The following XRCC3 variants were observed in gnomAD, a reference collection of about 807,000 sequenced individuals.
XRCC3 encodes the protein DNA repair protein XRCC3.
XRCC3 carries 34 observed loss-of-function variants against 29.2 expected under a neutral mutation model. The ratio of observed to expected loss-of-function variants is 1.16; its 90% CI spans 0.88 to 1.55. The LOEUF (loss-of-function observed/expected upper bound fraction) is 1.55. Ranked by LOEUF, XRCC3 falls within the 40% of genes most tolerant of loss-of-function variation. The pLI, the probability that XRCC3 is intolerant of heterozygous loss-of-function variation, is 0.00. For synonymous variants in XRCC3, 223 were observed against 211.3 expected, an observed-to-expected ratio of 1.06 and a Z score of -0.48; for missense variants, 463 against 467.6, an observed-to-expected ratio of 0.99 and a Z score of 0.09.
At chr14:103,709,101 G>A (rs149582602) in intron 4 of XRCC3, 140 of 332,780 alleles carry the variant, frequency 4.2e-4, no homozygotes, top group African/African-American at 2.6e-3. Flanking sequence ...GCTGAGCCGC[G>A]GGAGAGGACA....
chr14:103,706,098 A>T (rs1205412290), intron 6 of XRCC3: 1 of 341,722 alleles, frequency 2.9e-6, no homozygotes, highest in Non-Finnish European at 5.8e-6. Flanking sequence ...CTCTCAGGAG[A>T]CCCCTCACCC....
Position 103,711,019 on chromosome 14 carries a change from A to T in XRCC3, c.55+14T>A, listed in dbSNP as rs778459700. On this transcript the variant is annotated intron_variant, in intron 4 of 9. Coordinates refer to ENST00000555055, the MANE Select transcript of XRCC3 (RefSeq NM_005432.4). ...ACCCACCCACACCCTTTATGTAAATAGAAATAAATGTACCTTTCTTAATTG... is the reference window on the plus strand; with the variant it reads ...ACCCACCCACACCCTTTATGTAAATTGAAATAAATGTACCTTTCTTAATTG... The T allele has an allele frequency of 6.2e-7, 1 of 1,614,008 alleles. No homozygotes were observed. Among genetic ancestry groups the T allele is most frequent in the Non-Finnish European group, 8.5e-7 (1 of 1,179,860 alleles).
rs555320142 is a variant in XRCC3, at chr14:103,709,097, C to T, written c.56-438G>A. ...CCACCAGGCATGGATCTGGGCTGAG[C>T]CGCGGGAGAGGACATGTGCCCTGGG... is the stretch of plus-strand genomic sequence containing the variant. On this transcript the variant is annotated intron_variant, in intron 4 of 9. Transcript: ENST00000555055. The T allele has an allele frequency of 3.5e-3, 1,187 of 335,008 alleles. 4 individuals carry two copies. The highest frequency in any genetic ancestry group is 5.6e-3 in the Non-Finnish European group (960 of 171,254). The allele number at this position is 335,008 out of a possible 1,614,324, so 20.8% of individuals were successfully genotyped here.
At position 103,698,687 on chromosome 14, in the gene XRCC3, T is replaced by G. The variant is rs974687696; in HGVS notation, c.*111A>C. On this transcript the variant is annotated 3_prime_UTR_variant, in exon 10 of 10. Coordinates refer to ENST00000555055, the MANE Select transcript of XRCC3 (RefSeq NM_005432.4). ...TGGAGCCGCTGCCCTGGAAGAGCTG[T>G]GTCTGAACCAGGCTCCCAGCTGTGC... 9.3e-6 allele frequency: 9 copies of G among 971,962 alleles called. No homozygotes were observed. The African/African-American group carries it at 1.5e-4, about 16-fold the overall frequency. 60.2% of individuals were successfully genotyped at this position (971,962 alleles called of 1,614,324 possible). A position where few individuals can be genotyped will look rare whatever the true frequency, so the allele number is the denominator to read the frequency against.
chr14:103,708,294 A>G (rs2151939920), intron 5 of XRCC3: 2 of 625,652 alleles, frequency 3.2e-6, no homozygotes, highest in Admixed American at 2.6e-5. Context: ...CAAGGTCCCC[A>G]GGAGGTCCCA....
intron 7 of XRCC3, chr14:103,700,798 C>CT: frequency 8.3e-7 from 1 of 1,211,386 alleles, no homozygotes; most frequent in East Asian, 2.5e-5. Context: ...CATGCAGGGA[C>CT]TGGGGGGAGC....
In XRCC3 at chr14:103,703,250, G is replaced by A. The variant is rs752063855; in HGVS notation, c.484C>T (p.Arg162Cys). 13 of 1,561,746 alleles carry A rather than the reference G, an allele frequency of 8.3e-6. No individual in the cohort carries two copies. Among genetic ancestry groups the A allele is most frequent in the Middle Eastern group, 1.7e-4 (1 of 6,038 alleles). The change falls in exon 7 of 10, where the codon CGC becomes TGC. Residue 162 changes from arginine (R) to cysteine (C), a missense_variant. Arg to Cys is a radical substitution (Grantham distance 180). Coordinates refer to ENST00000555055, the MANE Select transcript of XRCC3 (RefSeq NM_005432.4). Reference protein sequence around the residue: ...QQLMAQQPRLRTDVPGELLQK... With the variant: ...QQLMAQQPRLCTDVPGELLQK... ...AGCAGCTCTCCTGGAACGTCAGTGC[G>A]CAGCCGCGGCTGCTGGGCCATGAGC...
chr14:103,715,190 C>A (rs1426413129), intron 1 of XRCC3, among the ~76,000 whole-genome samples: 1 of 152,084 alleles, frequency 6.6e-6, no homozygotes, highest in East Asian at 1.9e-4. Context: ...TCCGAACGCA[C>A]GCGGCCCGGC....
At position 103,707,114 on chromosome 14, in the gene XRCC3, G is replaced by A. The variant is rs777400049; in HGVS notation, c.295C>T (p.Leu99=). ...CCGGCCAGCTCAGTGATGCCGTCCAGGGGCAGGCCACCGCGGAGCAGCGCG... is the reference window on the plus strand; with the variant it reads ...CCGGCCAGCTCAGTGATGCCGTCCAAGGGCAGGCCACCGCGGAGCAGCGCG... ...LDALLRGGLP[L]DGITELAGRS... Residue 99 remains leucine (L), a synonymous_variant, in exon 6 of 10, where the codon CTG becomes TTG. Transcript: ENST00000555055. 1.6e-5 allele frequency: 25 copies of A among 1,550,992 alleles called. No individual in the cohort carries two copies. In the South Asian group the frequency reaches 2.6e-4, roughly 16 times the overall value.
In XRCC3 at chr14:103,698,487, T is replaced by G; in HGVS notation, c.*311A>C. 1.2e-5 allele frequency: 5 copies of G among 407,342 alleles called. No individual in the cohort carries two copies. Among genetic ancestry groups the G allele is most frequent in the Non-Finnish European group, 1.8e-5 (4 of 218,714 alleles). The allele number at this position is 407,342 out of a possible 1,614,324, so 25.2% of individuals were successfully genotyped here. A position where few individuals can be genotyped will look rare whatever the true frequency, so the allele number is the denominator to read the frequency against. ...GAAGAAGCAGGCGGCTCCCAGGGAG[T>G]CACTGTAGGACACCCCAGGCTCCAG... On this transcript the variant is annotated 3_prime_UTR_variant, in exon 10 of 10. Coordinates refer to ENST00000555055, the MANE Select transcript of XRCC3 (RefSeq NM_005432.4).
intron 4 of XRCC3, chr14:103,710,336 C>T (rs1357234580): frequency 6.6e-6 from 1 of 152,398 alleles, no homozygotes; most frequent in East Asian, 1.9e-4. Flanking sequence ...TAGGCACGCT[C>T]AGTCCTCACA....
chr14:103,702,948 G>T, intron 7 of XRCC3: 1 of 653,644 alleles, frequency 1.5e-6, no homozygotes, highest in Non-Finnish European at 2.6e-6. Flanking sequence ...CTGGCAGGAT[G>T]CTTTAGCCAG....
intron 6 of XRCC3, chr14:103,705,733 C>T (rs564641497): frequency 6.5e-6 from 1 of 154,356 alleles, no homozygotes; most frequent in Non-Finnish European, 1.4e-5. Context: ...TTCTGTGTCC[C>T]TGGGTATCGG....
intron 6 of XRCC3, chr14:103,706,801 C>A: frequency 7.3e-6 from 5 of 680,370 alleles, no homozygotes; most frequent in Non-Finnish European, 1.0e-5. Context: ...ACCCTCCCAC[C>A]CCTCCTGCTG....
chr14:103,707,328 A>C, intron 5 of XRCC3, 113 bp from the exon 6 acceptor site: 1 of 1,323,676 alleles, frequency 7.6e-7, no homozygotes, highest in Non-Finnish European at 1.0e-6. Flanking sequence ...GCTGGAGCAC[A>C]GGTGCCTGCG....
Position 103,699,562 on chromosome 14 carries a change from C to T in XRCC3, c.576G>A (p.Glu192=), listed in dbSNP as rs146875659. Reference sequence around the variant, plus strand: ...GTACGGGGACCTTCTTATTCACACACTCCAACAAGGTGTCCTGTGGGGACA... The same window carrying T: ...GTACGGGGACCTTCTTATTCACACATTCCAACAAGGTGTCCTGTGGGGACA... The part of the protein sequence containing the change: ...EHVADVDTLL[E]CVNKKVPVLL... Residue 192 remains glutamate (E), a synonymous_variant, in exon 8 of 10, where the codon GAG becomes GAA. Transcript: ENST00000555055. 7 of 1,613,424 alleles carry T rather than the reference C, an allele frequency of 4.3e-6. No homozygotes were observed. The highest frequency in any genetic ancestry group is 1.1e-5 in the South Asian group (1 of 91,084).
intron 6 of XRCC3, 119 bp from the exon 7 acceptor site, chr14:103,703,446 G>A: frequency 8.1e-7 from 1 of 1,237,730 alleles, no homozygotes; most frequent in Non-Finnish European, 1.1e-6. Flanking sequence ...CAGGTTCTTT[G>A]CCCCTCGCCT....
chr14:103,708,173 G>C (rs1021788979), intron 5 of XRCC3: 46 of 387,844 alleles, frequency 1.2e-4, no homozygotes, highest in South Asian at 9.1e-4. Context: ...GTGGGACCGT[G>C]GCCAGGGCCC....
In XRCC3 at chr14:103,698,630, C is replaced by T; in HGVS notation, c.*168G>A. ...ACATCCCCCCAGCTCAGATGGGGGT[C>T]AGTCTGTGGCCACCATCTTCGGATG... On this transcript the variant is annotated 3_prime_UTR_variant, in exon 10 of 10. Coordinates refer to ENST00000555055, the MANE Select transcript of XRCC3 (RefSeq NM_005432.4). 1.5e-6 allele frequency: 1 copy of T among 673,652 alleles called. No individual in the cohort carries two copies. Among genetic ancestry groups the T allele is most frequent in the Non-Finnish European group, 2.6e-6 (1 of 385,378 alleles). 41.7% of individuals were successfully genotyped at this position (673,652 alleles called of 1,614,324 possible).
Sources: gnomAD v4.1 joint callset for allele counts (sites outside exome capture counted in the v4.1 genomes callset) on GRCh38, gnomAD v4.1.1 for gene constraint, MANE v1.5 for transcripts, NCBI Gene and HGNC (gene_info 2026-07-23, HGNC 2026-07-21) for gene names.